The following PLCB4 variants were observed in gnomAD, a reference collection of about 807,000 sequenced individuals.
PLCB4 encodes the protein 1-phosphatidylinositol 4,5-bisphosphate phosphodiesterase beta-4.
A neutral mutation model predicts 178.8 loss-of-function variants in PLCB4; 77 were observed. The ratio of observed to expected loss-of-function variants is 0.43; its 90% CI spans 0.36 to 0.52. The LOEUF (loss-of-function observed/expected upper bound fraction) is 0.52, where lower values mean the gene tolerates loss of function less well. Among genes scored for constraint, PLCB4 ranks in the 20% least tolerant of loss-of-function variants. The probability of loss-of-function intolerance (pLI) is 0.00; values close to 1 mark genes in which losing one functional copy is unlikely to be tolerated. For synonymous variants in PLCB4, 496 were observed against 490.8 expected (o/e 1.01, Z -0.14); for missense variants, 1,024 against 1,453.4 (o/e 0.70, Z 4.80).
intron 27 of PLCB4, among the ~76,000 whole-genome samples, chr20:9,423,442 T>C (rs1355038738): frequency 6.6e-6 from 1 of 152,234 alleles, no homozygotes; most frequent in African/African-American, 2.4e-5. Flanking sequence ...AGTGGCTTTA[T>C]TTCTCATCCA....
chr20:9,445,787 T>C (rs1470585297), intron 32 of PLCB4, among the ~76,000 whole-genome samples: 2 of 152,204 alleles, frequency 1.3e-5, no homozygotes, highest in Non-Finnish European at 2.9e-5. Context: ...GGCTGAACTA[T>C]GGAAAGCCAA....
chr20:9,200,013 A>C (rs1019506456), intron 2 of PLCB4, among the ~76,000 whole-genome samples: 1 of 144,780 alleles, frequency 6.9e-6, no homozygotes, highest in African/African-American at 2.6e-5. Flanking sequence ...AGAGAATGGT[A>C]TTCTGATTTT....
At chr20:9,446,714 C>G (rs1450955741) in intron 32 of PLCB4, among the ~76,000 whole-genome samples, 1 of 152,156 alleles carries the variant, frequency 6.6e-6, no homozygotes. Flanking sequence ...AACCCTGTCT[C>G]TAGTAAAAAT....
At chr20:9,308,111 A>G (rs2094792133) in intron 4 of PLCB4, among the ~76,000 whole-genome samples, 1 of 152,182 alleles carries the variant, frequency 6.6e-6, no homozygotes, top group South Asian at 2.1e-4. Flanking sequence ...ATGACCTTCT[A>G]AACATTTTAT....
chr20:9,182,932 A>G (rs1472405148), intron 2 of PLCB4, among the ~76,000 whole-genome samples: 1 of 152,186 alleles, frequency 6.6e-6, no homozygotes, highest in East Asian at 1.9e-4. Flanking sequence ...TTTACAAGGA[A>G]GAATACGCTT....
rs145764787 is a variant in PLCB4, at chr20:9,300,806, C to G, written c.-15-6994C>G. On this transcript the variant is annotated intron_variant, in intron 3 of 39. Coordinates refer to ENST00000378473, the MANE Select transcript of PLCB4 (RefSeq NM_001377142.1). ...AAACTTATTTGGCAACTTTTTAGTT[C>G]TTTTAAGAAAGGTGTTCAGCTTCAG... 1.2e-3 allele frequency among the ~76,000 whole-genome samples: 179 copies of G among 152,222 alleles called. 1 individual carries two copies. The highest frequency in any genetic ancestry group is 4.0e-3 in the African/African-American group (166 of 41,564).
At chr20:9,283,292 A>G (rs2094510410) in intron 3 of PLCB4, among the ~76,000 whole-genome samples, 1 of 151,932 alleles carries the variant, frequency 6.6e-6, no homozygotes, top group Admixed American at 6.6e-5. Context: ...TATGTATTAC[A>G]TTTGTCTCAC....
intron 22 of PLCB4, among the ~76,000 whole-genome samples, 156 bp downstream of exon 22, chr20:9,408,214 G>A (rs1379526217): frequency 1.3e-5 from 2 of 152,074 alleles, no homozygotes; most frequent in African/African-American, 4.8e-5. Context: ...AAGCCACCTT[G>A]GTATGTGGTG....
chr20:9,098,549 C>G (rs1041144650), intron 2 of PLCB4, among the ~76,000 whole-genome samples: 1 of 151,326 alleles, frequency 6.6e-6, no homozygotes, highest in Admixed American at 6.6e-5. Context: ...GCCCAGGAGG[C>G]TGTGGAGTAT....
At chr20:9,421,530 A>G (rs2040636248) in intron 27 of PLCB4, 69 bp downstream of exon 27, 1 of 1,265,768 alleles carries the variant, frequency 7.9e-7, no homozygotes, top group Non-Finnish European at 1.1e-6. Flanking sequence ...CACAGACGCT[A>G]CACGATACAG....
At chr20:9,314,925 G>A (rs1216823891) in intron 4 of PLCB4, among the ~76,000 whole-genome samples, 1 of 151,142 alleles carries the variant, frequency 6.6e-6, no homozygotes, top group East Asian at 1.9e-4. Context: ...AAGCTGGAGT[G>A]CAATGGCACA....
intron 1 of PLCB4, among the ~76,000 whole-genome samples, chr20:9,083,619 T>G (rs1169718869): frequency 2.6e-5 from 4 of 152,124 alleles, no homozygotes; most frequent in Non-Finnish European, 5.9e-5. Flanking sequence ...TTCTGCAGGT[T>G]AGGTATAATT....
intron 32 of PLCB4, among the ~76,000 whole-genome samples, chr20:9,445,721 A>G (rs1292483141): frequency 6.6e-6 from 1 of 152,228 alleles, no homozygotes; most frequent in African/African-American, 2.4e-5. Context: ...CAATGGGGTT[A>G]TTGGAGACAG....
chr20:9,388,694 A>G (rs960613585), intron 15 of PLCB4, among the ~76,000 whole-genome samples: 1 of 152,190 alleles, frequency 6.6e-6, no homozygotes, highest in African/African-American at 2.4e-5. Context: ...CCTCAGCAAC[A>G]GAGCGAGACT....
At chr20:9,474,945 A>C (rs550132253) in intron 38 of PLCB4, among the ~76,000 whole-genome samples, 2 of 152,326 alleles carry the variant, frequency 1.3e-5, no homozygotes, top group Admixed American at 1.3e-4. Context: ...GGTACAAGTT[A>C]CCTAGCTTAT....
intron 3 of PLCB4, among the ~76,000 whole-genome samples, chr20:9,251,642 T>C (rs1235946272): frequency 6.6e-6 from 1 of 152,194 alleles, no homozygotes; most frequent in Non-Finnish European, 1.5e-5. Context: ...GCTCCCTTTT[T>C]TTACTAACTT....
At chr20:9,305,217 T>A (rs2094752101) in intron 3 of PLCB4, among the ~76,000 whole-genome samples, 1 of 152,150 alleles carries the variant, frequency 6.6e-6, no homozygotes. Flanking sequence ...TATGTTCCTG[T>A]CTTCTCTCCA....
intron 3 of PLCB4, among the ~76,000 whole-genome samples, chr20:9,301,292 A>G (rs1212430270): frequency 6.6e-6 from 1 of 151,940 alleles, no homozygotes; most frequent in Non-Finnish European, 1.5e-5. Context: ...TCAGCCTGCC[A>G]TACCCAGGTA....
rs544631374 is a variant in PLCB4, at chr20:9,205,598, C to T, written c.-78-11792C>T. Among the ~76,000 whole-genome samples the T allele has an allele frequency of 5.3e-5, 8 of 152,282 alleles. No homozygotes were observed. In the East Asian group the frequency reaches 9.6e-4, roughly 18 times the overall value. The stretch of plus-strand genomic sequence containing the variant: ...TACAGTGGCAGAACCATGCAACTGA[C>T]GTTGATGTAATCCACTGACCTTATT... On this transcript the variant is annotated intron_variant, in intron 2 of 39. Transcript: ENST00000378473.
Sources: gnomAD v4.1 joint callset for allele counts (sites outside exome capture counted in the v4.1 genomes callset) on GRCh38, gnomAD v4.1.1 for gene constraint, MANE v1.5 for transcripts, NCBI Gene and HGNC (gene_info 2026-07-23, HGNC 2026-07-21) for gene names.